Variants in ACAP2 observed in about 807,000 individuals in gnomAD.
ACAP2 encodes the protein arf-GAP with coiled-coil, ANK repeat and PH domain-containing protein 2.
In ACAP2, 39 loss-of-function variants were observed where a neutral mutation model predicts 115.8. The observed-to-expected ratio is 0.34, with a 90% confidence interval of 0.26 to 0.44. The LOEUF (loss-of-function observed/expected upper bound fraction) is 0.44. Among genes scored for constraint, ACAP2 ranks in the 20% least tolerant of loss-of-function variants. The probability of loss-of-function intolerance (pLI) is 1.00; values close to 1 mark genes in which losing one functional copy is unlikely to be tolerated. For synonymous variants in ACAP2, 289 were observed against 315.8 expected, an observed-to-expected ratio of 0.92 and a Z score of 0.90; for missense variants, 662 against 927.6, an observed-to-expected ratio of 0.71 and a Z score of 3.72.
In ACAP2 at chr3:195,277,330, G is replaced by C. The variant is rs748033357; in HGVS notation, c.*1998C>G. 1 of 152,162 alleles carries C rather than the reference G, an allele frequency of 6.6e-6. No individual in the cohort carries two copies. The highest frequency in any genetic ancestry group is 1.5e-5 in the Non-Finnish European group (1 of 68,016). The allele number at this position is 152,162 out of a possible 1,614,324, so 9.4% of individuals were successfully genotyped here. A position where few individuals can be genotyped will look rare whatever the true frequency, so the allele number is the denominator to read the frequency against. On this transcript the variant is annotated 3_prime_UTR_variant, in exon 23 of 23. Coordinates refer to ENST00000326793, the MANE Select transcript of ACAP2 (RefSeq NM_012287.6). ...ACTACAAATCAGATTTTTGCCTTTAGTGAAGGTGCCTAAAAAGCCAGATGA... is the reference window on the plus strand; with the variant it reads ...ACTACAAATCAGATTTTTGCCTTTACTGAAGGTGCCTAAAAAGCCAGATGA...
intron 1 of ACAP2, among the ~76,000 whole-genome samples, chr3:195,429,378 CAA>C (rs546876570): frequency 4.5e-5 from 4 of 89,076 alleles, no homozygotes; most frequent in Non-Finnish European, 7.0e-5. Context: ...GACTCCATCT[CAA>C]AAAAAAAAAA....
At chr3:195,283,811 T>A (rs1345690575) in intron 22 of ACAP2, among the ~76,000 whole-genome samples, 3 of 152,216 alleles carry the variant, frequency 2.0e-5, no homozygotes, top group Non-Finnish European at 4.4e-5. Context: ...GATATACTAT[T>A]TCCAGAATTC....
At chr3:195,394,961 T>C (rs1211684297) in intron 1 of ACAP2, among the ~76,000 whole-genome samples, 2 of 148,658 alleles carry the variant, frequency 1.3e-5, no homozygotes, top group Admixed American at 6.7e-5. Flanking sequence ...AAAGACTAAA[T>C]GAGGACTGTT....
intron 4 of ACAP2, among the ~76,000 whole-genome samples, chr3:195,365,782 T>C (rs1308239057): frequency 2.0e-5 from 3 of 152,104 alleles, no homozygotes; most frequent in Non-Finnish European, 1.5e-5. Flanking sequence ...TCATCAGGAA[T>C]TGCTCGCAAT....
chr3:195,424,734 A>G (rs899258549), intron 1 of ACAP2, among the ~76,000 whole-genome samples: 1 of 151,766 alleles, frequency 6.6e-6, no homozygotes, highest in African/African-American at 2.4e-5. Context: ...TGGGCAACAC[A>G]GTGAGATTTC....
chr3:195,285,830 C>T lies in ACAP2; in HGVS notation c.2202G>A (p.Glu734=). 6.2e-7 allele frequency: 1 copy of T among 1,612,446 alleles called. No homozygotes were observed. Among genetic ancestry groups the T allele is most frequent in the Non-Finnish European group, 8.5e-7 (1 of 1,179,500 alleles). Residue 734 remains glutamate (E), a synonymous_variant, in exon 22 of 23, where the codon GAG becomes GAA. Coordinates refer to ENST00000326793, the MANE Select transcript of ACAP2 (RefSeq NM_012287.6). The stretch of plus-strand genomic sequence containing the variant: ...CATAAAGTCCTTCTGATTCCCGCAT[C>T]TCTTCATTCATTCTTGCTAAACGTA... ...TLLRLARMNE[E]MRESEGLYGQ...
At chr3:195,396,690 G>A (rs1195268205) in intron 1 of ACAP2, among the ~76,000 whole-genome samples, 1 of 150,472 alleles carries the variant, frequency 6.6e-6, no homozygotes, top group East Asian at 2.0e-4. Flanking sequence ...GGCAGGCTGA[G>A]GCAGGAGAAT....
chr3:195,396,739 A>G (rs1486407129), intron 1 of ACAP2, among the ~76,000 whole-genome samples: 3 of 130,002 alleles, frequency 2.3e-5, no homozygotes, highest in African/African-American at 8.4e-5. Flanking sequence ...GTGAGCCAAG[A>G]TTGCATCACT....
chr3:195,409,596 C>T (rs549273459), intron 1 of ACAP2, among the ~76,000 whole-genome samples: 1 of 152,234 alleles, frequency 6.6e-6, no homozygotes, highest in African/African-American at 2.4e-5. Context: ...AAAAACCTGG[C>T]TGGGCACAGT....
At chr3:195,297,157 C>A in intron 16 of ACAP2, 33 bp downstream of exon 16, 1 of 1,565,642 alleles carries the variant, frequency 6.4e-7, no homozygotes, top group South Asian at 1.1e-5. Flanking sequence ...AGCTATATTC[C>A]TAATTAGGGG....
At chr3:195,412,875 G>A (rs900058479) in intron 1 of ACAP2, 2 of 456,270 alleles carry the variant, frequency 4.4e-6, no homozygotes, top group Non-Finnish European at 4.4e-6. Flanking sequence ...TAGAGACTTA[G>A]GAAACAGCAA....
At chr3:195,389,076 G>A (rs573683069) in intron 2 of ACAP2, among the ~76,000 whole-genome samples, 6 of 151,710 alleles carry the variant, frequency 4.0e-5, no homozygotes, top group South Asian at 2.1e-4. Flanking sequence ...GAAGAGGTAC[G>A]AAATATAAAA....
At chr3:195,290,580 G>A (rs1446620927) in intron 20 of ACAP2, among the ~76,000 whole-genome samples, 1 of 151,998 alleles carries the variant, frequency 6.6e-6, no homozygotes, top group South Asian at 2.1e-4. Flanking sequence ...GGAGGCTGAG[G>A]CAGGTGGATC....
intron 17 of ACAP2, chr3:195,295,360 A>T (rs929414224): frequency 9.3e-7 from 1 of 1,078,906 alleles, no homozygotes; most frequent in Non-Finnish European, 1.2e-6. Flanking sequence ...AAGGGCAGGA[A>T]AAAACGTTAC....
chr3:195,328,959 G>A (rs1399772863), intron 8 of ACAP2, among the ~76,000 whole-genome samples: 2 of 151,610 alleles, frequency 1.3e-5, no homozygotes, highest in Admixed American at 1.3e-4. Context: ...GGGCGCCTGT[G>A]GTCCCAGCTA....
chr3:195,442,514 C>T (rs1716088551), intron 1 of ACAP2, among the ~76,000 whole-genome samples: 3 of 152,236 alleles, frequency 2.0e-5, no homozygotes, highest in Non-Finnish European at 2.9e-5. Context: ...CCCATTTCCC[C>T]CAGCGGGAGA....
intron 10 of ACAP2, among the ~76,000 whole-genome samples, chr3:195,317,138 T>C (rs1729148023): frequency 6.6e-6 from 1 of 152,070 alleles, no homozygotes; most frequent in African/African-American, 2.4e-5. Flanking sequence ...CCTCAAGTGA[T>C]TCACCTGCCC....
chr3:195,388,596 T>C (rs1311998870), intron 2 of ACAP2, among the ~76,000 whole-genome samples: 1 of 152,208 alleles, frequency 6.6e-6, no homozygotes, highest in Non-Finnish European at 1.5e-5. Flanking sequence ...AACCTAGACT[T>C]GGAGCAACCC....
At chr3:195,302,195 T>C in intron 13 of ACAP2, 21 bp from the exon 14 acceptor site, 1 of 1,584,230 alleles carries the variant, frequency 6.3e-7, no homozygotes, top group Non-Finnish European at 8.6e-7. Flanking sequence ...TAAGAATTAC[T>C]TGTTTTTAAA....
Sources: gnomAD v4.1 joint callset for allele counts (sites outside exome capture counted in the v4.1 genomes callset) on GRCh38, gnomAD v4.1.1 for gene constraint, MANE v1.5 for transcripts, NCBI Gene and HGNC (gene_info 2026-07-23, HGNC 2026-07-21) for gene names.